Variants in PTPRH observed in about 807,000 individuals in gnomAD.
PTPRH encodes the protein receptor-type tyrosine-protein phosphatase H.
Under a neutral mutation model 130.2 loss-of-function variants are expected in PTPRH, and 113 were observed. The observed-to-expected ratio is 0.87, with a 90% CI of 0.75 to 1.01. PTPRH has a LOEUF of 1.01. Among genes scored for constraint, PTPRH ranks in the 50% least tolerant of loss-of-function variants. The pLI, the probability that PTPRH is intolerant of heterozygous loss-of-function variation, is 0.00. For missense variants in PTPRH, 1,430 were observed against 1,425.0 expected (o/e 1.00, Z -0.06); for synonymous variants, 556 against 577.9 (o/e 0.96, Z 0.54).
intron 10 of PTPRH, among the ~76,000 whole-genome samples, chr19:55,192,846 C>G (rs577485037): frequency 6.6e-6 from 1 of 151,856 alleles, no homozygotes; most frequent in Non-Finnish European, 1.5e-5. Context: ...CCACCATGCC[C>G]GGCTGTTATA....
At position 55,209,466 on chromosome 19, in the gene PTPRH, C is replaced by CA. The variant is rs1171729235; in HGVS notation, c.-34dup. The CA allele has an allele frequency of 2.1e-6, 3 of 1,459,338 alleles. No individual in the cohort carries two copies. In the African/African-American group the frequency reaches 4.2e-5, roughly 20 times the overall value. The allele number at this position is 1,459,338 out of a possible 1,614,324, so 90.4% of individuals were successfully genotyped here. On this transcript the variant is annotated 5_prime_UTR_variant, in exon 1 of 20. Transcript: ENST00000376350. This position sits in a 1 kb window ranked among gnomAD's most constrained non-coding sequence, Gnocchi z 4.1. ...GACACTGCCGGGGACCCAGGAGTCC[C>CA]AGGCCTAGTCCTTCCACCTGCTGGA...
rs1420503078 is a variant in PTPRH, at chr19:55,205,670, T to C, written c.353-78A>G. On this transcript the variant is annotated intron_variant, in intron 3 of 19. Coordinates refer to ENST00000376350, the MANE Select transcript of PTPRH (RefSeq NM_002842.5). The stretch of plus-strand genomic sequence containing the variant: ...TTCCAGCCCTTCCTTAACCGTTGCA[T>C]CCAGCAGGTAGAGGCAGGGAGGCCC... 34 of 1,578,368 alleles carry C rather than the reference T, an allele frequency of 2.2e-5. No homozygotes were observed. The South Asian group carries it at 3.6e-4, about 17-fold the overall frequency.
chr19:55,184,897 C>G (rs551919724), intron 18 of PTPRH, among the ~76,000 whole-genome samples: 1 of 152,200 alleles, frequency 6.6e-6, no homozygotes, highest in East Asian at 1.9e-4. Context: ...GAAGTGTCTC[C>G]AGTGTTTCTC....
intron 15 of PTPRH, 48 bp from the exon 16 acceptor site, chr19:55,186,407 G>A (rs760739546): frequency 1.7e-5 from 28 of 1,612,576 alleles, no homozygotes; most frequent in Middle Eastern, 1.6e-4. Context: ...GTTGATCCCC[G>A]AGCTCTTATC....
chr19:55,188,183 G>T lies in PTPRH; in HGVS notation c.2385-15C>A, dbSNP rs200851851. 6.2e-7 allele frequency: 1 copy of T among 1,603,590 alleles called. No individual in the cohort carries two copies. The highest frequency in any genetic ancestry group is 1.1e-5 in the South Asian group (1 of 90,860). ...CCCCTGGGGAGCTACGGGTTTTGGG[G>T]GAGCAGGGAGAAAAGACCGTAACTT... On this transcript the variant is annotated splice_polypyrimidine_tract_variant and intron_variant, in intron 12 of 19. Transcript: ENST00000376350.
At chr19:55,192,186 A>C in intron 10 of PTPRH, 1 of 352,136 alleles carries the variant, frequency 2.8e-6, no homozygotes, top group Admixed American at 3.9e-5. Flanking sequence ...GCACATCACG[A>C]GGTCAGGAGA....
Position 55,198,846 on chromosome 19 carries a change from G to A in PTPRH, c.1487C>T (p.Thr496Ile). Residue 496 changes from threonine (T) to isoleucine (I), a missense_variant, in exon 8 of 20, where the codon ACA becomes ATA. Physicochemically the swap from Thr to Ile is moderately conservative, Grantham distance 89 (BLOSUM62 -1). Transcript: ENST00000376350. ...AGACTGGCCTGGGCCCTGGGGAGCTGTCCAGCGCAAAGCAATGGTGCTGTT... is the reference window on the plus strand; with the variant it reads ...AGACTGGCCTGGGCCCTGGGGAGCTATCCAGCGCAAAGCAATGGTGCTGTT... The part of the protein sequence containing the change: ...WTNSTIALRW[T>I]APQGPGQSSY... 1.9e-6 allele frequency: 3 copies of A among 1,588,160 alleles called. No homozygotes were observed. The highest frequency in any genetic ancestry group is 4.5e-5 in the East Asian group (2 of 44,440).
At chr19:55,189,233 G>A (rs1035312550) in intron 12 of PTPRH, among the ~76,000 whole-genome samples, 1 of 152,070 alleles carries the variant, frequency 6.6e-6, no homozygotes, top group Non-Finnish European at 1.5e-5. Flanking sequence ...TGATCCTCCC[G>A]CCTCGGCCTC....
At chr19:55,188,305 G>A in intron 12 of PTPRH, 137 bp from the exon 13 acceptor site, 1 of 657,870 alleles carries the variant, frequency 1.5e-6, no homozygotes, top group Non-Finnish European at 2.7e-6. Flanking sequence ...CTGAGGTCAG[G>A]AGTTCGAGAC....
intron 18 of PTPRH, among the ~76,000 whole-genome samples, chr19:55,184,507 G>A (rs1003851302): frequency 2.6e-5 from 4 of 151,826 alleles, no homozygotes; most frequent in African/African-American, 9.7e-5. Flanking sequence ...ATCAGGAAAG[G>A]GTCAGGTGCG....
chr19:55,203,276 A>G lies in PTPRH; in HGVS notation c.886+506T>C, dbSNP rs377439764. 3.6e-3 allele frequency among the ~76,000 whole-genome samples: 538 copies of G among 148,376 alleles called. 2 individuals carry two copies. The highest frequency in any genetic ancestry group is 7.0e-3 in the South Asian group (32 of 4,588). On this transcript the variant is annotated intron_variant, in intron 5 of 19. Coordinates refer to ENST00000376350, the MANE Select transcript of PTPRH (RefSeq NM_002842.5). ...CGGGAGGCAGAGCTTGCAGTGAGCC[A>G]AGATTGCGCCACTGCACTCCAGCCT...
rs957581739 is a variant in PTPRH, at chr19:55,207,241, C to G, written c.52-42G>C. 6 of 1,602,488 alleles carry G rather than the reference C, an allele frequency of 3.7e-6. No homozygotes were observed. The African/African-American group carries it at 6.7e-5, about 18-fold the overall frequency. On this transcript the variant is annotated intron_variant, in intron 1 of 19. Transcript: ENST00000376350. ...GAAAACGGAGTCAGCCTCTCAACCA[C>G]TCCTCCGCCCAGTGAGGCCGAGGGG... is the stretch of plus-strand genomic sequence containing the variant.
At position 55,202,051 on chromosome 19, in the gene PTPRH, C is replaced by T. The variant is rs2086879948; in HGVS notation, c.1153+5G>A. On this transcript the variant is annotated splice_donor_5th_base_variant and intron_variant, in intron 6 of 19. Coordinates refer to ENST00000376350, the MANE Select transcript of PTPRH (RefSeq NM_002842.5). ...GAGATCAAACAAATGGCGACTGCCT[C>T]TCACCTGTGGTGGCATTTCGAGTCT... The T allele has an allele frequency of 6.2e-7, 1 of 1,613,178 alleles. No homozygotes were observed. The highest frequency in any genetic ancestry group is 1.7e-5 in the Admixed American group (1 of 59,978).
intron 18 of PTPRH, among the ~76,000 whole-genome samples, chr19:55,183,951 A>C (rs1285529756): frequency 6.6e-6 from 1 of 152,000 alleles, no homozygotes; most frequent in Non-Finnish European, 1.5e-5. Flanking sequence ...GGATATGCAC[A>C]CTAATGGAAT....
Position 55,181,622 on chromosome 19 carries a change from G to A in PTPRH, c.*132C>T. On this transcript the variant is annotated 3_prime_UTR_variant, in exon 20 of 20. Coordinates refer to ENST00000376350, the MANE Select transcript of PTPRH (RefSeq NM_002842.5). ...TCTCTCCTGGGGAAACCAGAGTTTG[G>A]GATACCAGCCCCCTCCTCCCACAGC... is the stretch of plus-strand genomic sequence containing the variant. 3.9e-6 allele frequency: 5 copies of A among 1,293,272 alleles called. No homozygotes were observed. The highest frequency in any genetic ancestry group is 4.3e-6 in the Non-Finnish European group (4 of 929,084). 80.1% of individuals were successfully genotyped at this position (1,293,272 alleles called of 1,614,324 possible). A position where few individuals can be genotyped will look rare whatever the true frequency, so the allele number is the denominator to read the frequency against.
At chr19:55,189,359 C>G (rs547593151) in intron 12 of PTPRH, among the ~76,000 whole-genome samples, 1 of 152,278 alleles carries the variant, frequency 6.6e-6, no homozygotes, top group Admixed American at 6.5e-5. Context: ...TGTCACTAGC[C>G]TATTCAAAAT....
chr19:55,194,827 A>G (rs1247520721), intron 10 of PTPRH, among the ~76,000 whole-genome samples: 1 of 152,188 alleles, frequency 6.6e-6, no homozygotes, highest in Non-Finnish European at 1.5e-5. Flanking sequence ...TCCTAGCGGC[A>G]TTACCCATAA....
chr19:55,200,603 A>G (rs1212857988), intron 6 of PTPRH, 101 bp from the exon 7 acceptor site: 5 of 1,298,364 alleles, frequency 3.9e-6, no homozygotes, highest in Admixed American at 2.2e-5. Flanking sequence ...CTCTTGTTCA[A>G]CTGCTGGTGC....
chr19:55,187,730 TGGCACCCA>T (rs2086403836), intron 13 of PTPRH, 127 bp from the exon 14 acceptor site: 1 of 697,950 alleles, frequency 1.4e-6, no homozygotes, highest in Non-Finnish European at 2.6e-6. Context: ...TGAGATTATA[TGGCACCCA>T]CAAAAACAGA....
Sources: allele counts gnomAD v4.1 joint callset (sites outside exome capture counted in the v4.1 genomes callset), GRCh38; gene constraint gnomAD v4.1.1; non-coding constraint Gnocchi (gnomAD v3.1); transcripts MANE v1.5; gene names NCBI Gene and HGNC (gene_info 2026-07-23, HGNC 2026-07-21).